Variants in CACNA1C observed in about 807,000 individuals in gnomAD.
The protein encoded by CACNA1C is calcium voltage-gated channel subunit alpha1 C.
A neutral mutation model predicts 229.0 loss-of-function variants in CACNA1C; 30 were observed. That is an observed-to-expected ratio of 0.13 (90% CI 0.10 to 0.18). CACNA1C has a LOEUF of 0.18. CACNA1C is among the 10% of genes least tolerant of loss of function. CACNA1C has a pLI of 1.00. For missense variants in CACNA1C, 1,658 were observed against 2,845.0 expected (o/e 0.58, Z 9.49); for synonymous variants, 1,114 against 1,132.5 (o/e 0.98, Z 0.33).
intron 29 of CACNA1C, among the ~76,000 whole-genome samples, chr12:2,628,589 T>TA (rs2088471283): frequency 6.6e-6 from 1 of 152,134 alleles, no homozygotes. Context: ...CCTACGTCAC[T>TA]AGGCAGAGCA....
At chr12:2,193,812 T>C (rs2097314786) in intron 3 of CACNA1C, among the ~76,000 whole-genome samples, 1 of 152,234 alleles carries the variant, frequency 6.6e-6, no homozygotes, top group East Asian at 1.9e-4. Context: ...TGCCAGTCTT[T>C]ATTTTCTACC....
intron 3 of CACNA1C, among the ~76,000 whole-genome samples, chr12:2,230,236 C>T (rs1431005180): frequency 6.6e-6 from 1 of 152,162 alleles, no homozygotes; most frequent in Non-Finnish European, 1.5e-5. Context: ...GCGCGTCTAG[C>T]TCGCGGTCAG....
chr12:2,048,785 T>A (rs1438989430), upstream of CACNA1C, among the ~76,000 whole-genome samples: 4 of 152,074 alleles, frequency 2.6e-5, no homozygotes, highest in African/African-American at 9.7e-5. Flanking sequence ...TCAAGAGGTG[T>A]GTGTGTGCTA....
intron 30 of CACNA1C, among the ~76,000 whole-genome samples, 158 bp downstream of exon 30, chr12:2,634,538 G>C (rs1343640443): frequency 8.2e-6 from 1 of 122,528 alleles, no homozygotes; most frequent in Admixed American, 8.0e-5. Flanking sequence ...TTTTTTCCTT[G>C]TTGCTTTATT....
chr12:2,089,007 C>A (rs1349437110), intron 1 of CACNA1C, among the ~76,000 whole-genome samples: 1 of 152,046 alleles, frequency 6.6e-6, no homozygotes, highest in Non-Finnish European at 1.5e-5. Context: ...TCTGGGAGAC[C>A]CTGTGGGGCT....
chr12:2,563,863 TG>T (rs2048822806), intron 11 of CACNA1C, among the ~76,000 whole-genome samples: 1 of 152,216 alleles, frequency 6.6e-6, no homozygotes, highest in Non-Finnish European at 1.5e-5. Flanking sequence ...CCCTGCCCCC[TG>T]GGGCACACCC....
intron 3 of CACNA1C, among the ~76,000 whole-genome samples, chr12:2,225,006 A>T (rs752035397): frequency 2.0e-5 from 3 of 152,218 alleles, no homozygotes; most frequent in Non-Finnish European, 2.9e-5. Context: ...GCTTTTCAGA[A>T]TGGATGAATA....
chr12:2,157,745 C>A (rs527520571), intron 3 of CACNA1C, among the ~76,000 whole-genome samples: 1 of 152,200 alleles, frequency 6.6e-6, no homozygotes, highest in Admixed American at 6.5e-5. Context: ...CCTAAATGTC[C>A]CTAAATATCT....
At chr12:2,684,260 T>C (rs1169344320) in intron 43 of CACNA1C, among the ~76,000 whole-genome samples, 1 of 152,150 alleles carries the variant, frequency 6.6e-6, no homozygotes, top group African/African-American at 2.4e-5. Flanking sequence ...CCAGCGGCAC[T>C]TGACAAATCA....
At chr12:2,040,909 CT>C (rs2049969650) in intron 1 of CACNA1C, among the ~76,000 whole-genome samples, 1 of 152,174 alleles carries the variant, frequency 6.6e-6, no homozygotes, top group Non-Finnish European at 1.5e-5. Context: ...ATTAAGAGAC[CT>C]GGCTAAAGTT....
At position 2,605,178 on chromosome 12, in the gene CACNA1C, G is replaced by C; in HGVS notation, c.3048+10G>C. ...GGCCAAGGGGCTAAAGGTGAGTTGA[G>C]GGCTTGGGTAGGGAGTCTCCAGCCA... On this transcript the variant is annotated intron_variant, in intron 23 of 46. Transcript: ENST00000399655. This position sits in a 1 kb window ranked among gnomAD's most constrained non-coding sequence, Gnocchi z 6.2. 6.3e-7 allele frequency: 1 copy of C among 1,596,070 alleles called. No individual in the cohort carries two copies. Among genetic ancestry groups the C allele is most frequent in the Non-Finnish European group, 8.6e-7 (1 of 1,163,628 alleles).
chr12:2,093,426 G>A (rs2072276344), intron 1 of CACNA1C, among the ~76,000 whole-genome samples: 1 of 152,254 alleles, frequency 6.6e-6, no homozygotes, highest in African/African-American at 2.4e-5. Flanking sequence ...TTATGTTGGA[G>A]CAGGAGGAGA....
At chr12:2,576,078 C>T (rs2058280574) in intron 13 of CACNA1C, among the ~76,000 whole-genome samples, 1 of 152,040 alleles carries the variant, frequency 6.6e-6, no homozygotes, top group South Asian at 2.1e-4. Context: ...AGTGAGAGAG[C>T]TTAAAGGGAG....
rs535692707 is a variant in CACNA1C, at chr12:2,548,338, A to C, written c.1391-1605A>C. On this transcript the variant is annotated intron_variant, in intron 9 of 46. Coordinates refer to ENST00000399655, the MANE Select transcript of CACNA1C (RefSeq NM_000719.7). Reference sequence around the variant, plus strand: ...TCCCAGAGCCTAGTAGGCTTTAAGAAGCTTGTCTGCCTAGGGTGTAGAGTA... The same window carrying C: ...TCCCAGAGCCTAGTAGGCTTTAAGACGCTTGTCTGCCTAGGGTGTAGAGTA... Among the ~76,000 whole-genome samples the C allele has an allele frequency of 2.6e-3, 402 of 152,286 alleles. 2 individuals carry two copies. Among genetic ancestry groups the C allele is most frequent in the African/African-American group, 9.1e-3 (379 of 41,568 alleles).
At chr12:2,480,436 A>G (rs1401763232) in intron 5 of CACNA1C, among the ~76,000 whole-genome samples, 2 of 152,194 alleles carry the variant, frequency 1.3e-5, no homozygotes, top group African/African-American at 2.4e-5. Context: ...AGAGTTTATT[A>G]TACATCAGTT....
At chr12:2,594,835 C>A (rs2067296727) in intron 19 of CACNA1C, among the ~76,000 whole-genome samples, 1 of 152,212 alleles carries the variant, frequency 6.6e-6, no homozygotes, top group South Asian at 2.1e-4. Flanking sequence ...CTTCCAGATG[C>A]CCCTTGGAGG....
At chr12:2,277,462 G>C (rs1437397491) in intron 3 of CACNA1C, among the ~76,000 whole-genome samples, 1 of 148,036 alleles carries the variant, frequency 6.8e-6, no homozygotes, top group Non-Finnish European at 1.5e-5. Context: ...TTCTCTTCTT[G>C]ATTCTCCATA....
intron 1 of CACNA1C, among the ~76,000 whole-genome samples, chr12:2,106,115 T>C (rs12818312): frequency 1.1e-3 from 35 of 32,312 alleles, no homozygotes; most frequent in South Asian, 2.8e-3. Flanking sequence ...GCGCCCACCC[T>C]GGAGAGGGTT....
At chr12:2,650,443 C>T (rs1038961089) in intron 31 of CACNA1C, among the ~76,000 whole-genome samples, 17 of 152,132 alleles carry the variant, frequency 1.1e-4, no homozygotes, top group African/African-American at 4.1e-4. Context: ...CAACCTGAGC[C>T]CTCCCACCTC....
Sources: allele counts gnomAD v4.1 joint callset (sites outside exome capture counted in the v4.1 genomes callset), GRCh38; gene constraint gnomAD v4.1.1; non-coding constraint Gnocchi (gnomAD v3.1); transcripts MANE v1.5; gene names NCBI Gene and HGNC (gene_info 2026-07-23, HGNC 2026-07-21).